The following UBE4B variants were observed in gnomAD, a reference collection of about 807,000 sequenced individuals.
UBE4B encodes ubiquitin conjugation factor E4 B.
UBE4B carries 27 observed loss-of-function variants against 148.1 expected under a neutral mutation model. The observed-to-expected ratio is 0.18, with a 90% CI of 0.13 to 0.25. The LOEUF (loss-of-function observed/expected upper bound fraction) is 0.25. Ranked by LOEUF, UBE4B falls within the 10% of genes least tolerant of loss-of-function variation. The pLI is 1.00. For synonymous variants in UBE4B, 596 were observed against 619.3 expected, an observed-to-expected ratio of 0.96 and a Z score of 0.56; for missense variants, 1,170 against 1,662.4, an observed-to-expected ratio of 0.70 and a Z score of 5.15.
At chr1:10,071,850 C>T (rs542120353) in intron 1 of UBE4B, among the ~76,000 whole-genome samples, 178 bp from the exon 2 acceptor site, 3 of 152,248 alleles carry the variant, frequency 2.0e-5, no homozygotes, top group East Asian at 3.9e-4. Context: ...TTGTTAAAAA[C>T]TCAAGTGATA....
At chr1:10,097,254 G>T (rs1644944129) in intron 3 of UBE4B, among the ~76,000 whole-genome samples, 1 of 151,838 alleles carries the variant, frequency 6.6e-6, no homozygotes, top group Non-Finnish European at 1.5e-5. Context: ...GAGATACAGA[G>T]GACAGAGTCC....
At chr1:10,172,358 C>T (rs1326005503) in intron 25 of UBE4B, among the ~76,000 whole-genome samples, 2 of 152,198 alleles carry the variant, frequency 1.3e-5, no homozygotes, top group Admixed American at 6.5e-5. Context: ...ATTTAGTCCT[C>T]ACAAAATCCT....
intron 9 of UBE4B, among the ~76,000 whole-genome samples, 164 bp from the exon 10 acceptor site, chr1:10,121,798 T>C (rs888859186): frequency 6.6e-6 from 1 of 152,174 alleles, no homozygotes; most frequent in African/African-American, 2.4e-5. Context: ...AAAAAGTGAT[T>C]ACTATTGGTA....
At chr1:10,156,284 C>A (rs1261644874) in intron 21 of UBE4B, among the ~76,000 whole-genome samples, 47 of 148,002 alleles carry the variant, frequency 3.2e-4, no homozygotes, top group Non-Finnish European at 6.1e-4. Flanking sequence ...CTGTCACCCA[C>A]GCTAGAGTGT....
Position 10,137,357 on chromosome 1 carries a change from CTCAGTTG to C in UBE4B, c.2363+155_2363+161del, listed in dbSNP as rs1479575533. 5 of 996,308 alleles carry C rather than the reference CTCAGTTG, an allele frequency of 5.0e-6. No individual in the cohort carries two copies. In the Admixed American group the frequency reaches 9.6e-5, roughly 19 times the overall value. The allele number at this position is 996,308 out of a possible 1,614,324, so 61.7% of individuals were successfully genotyped here. On this transcript the variant is annotated intron_variant, in intron 17 of 27. Transcript: ENST00000343090. ...TGCCTCCACCGCCACATCCATGTTGCTCAGTTGTCCAGAGTTCTTTACCTGGTGAAGT... is the reference window on the plus strand; with the variant it reads ...TGCCTCCACCGCCACATCCATGTTGCTCCAGAGTTCTTTACCTGGTGAAGT...
intron 1 of UBE4B, among the ~76,000 whole-genome samples, chr1:10,048,806 T>C (rs976045283): frequency 6.6e-6 from 1 of 152,100 alleles, no homozygotes; most frequent in African/African-American, 2.4e-5. Flanking sequence ...GAGTGAGGCG[T>C]AGGCTCCAGG....
chr1:10,038,871 C>G (rs1278935079), intron 1 of UBE4B, among the ~76,000 whole-genome samples: 1 of 151,988 alleles, frequency 6.6e-6, no homozygotes, highest in Non-Finnish European at 1.5e-5. Flanking sequence ...TCGAGGCAGG[C>G]GGATCACGTG....
At chr1:10,087,912 A>T (rs77980262) in intron 2 of UBE4B, among the ~76,000 whole-genome samples, 2,419 of 152,250 alleles carry the variant, frequency 0.016, 55 homozygotes, top group African/African-American at 0.054. Context: ...CTCCCCTGCT[A>T]TGTATTTAAT....
chr1:10,134,286 G>GT (rs1645641723), intron 15 of UBE4B, among the ~76,000 whole-genome samples: 1 of 152,032 alleles, frequency 6.6e-6, no homozygotes, highest in South Asian at 2.1e-4. Context: ...CGAGACGGGC[G>GT]TATCACCTGA....
At chr1:10,036,039 C>T (rs561607455) in intron 1 of UBE4B, among the ~76,000 whole-genome samples, 9 of 151,722 alleles carry the variant, frequency 5.9e-5, no homozygotes, top group East Asian at 1.9e-4. Context: ...CCACCGCGCC[C>T]GGCCGAGGTA....
chr1:10,158,318 A>C lies in UBE4B; in HGVS notation c.2927-38A>C, dbSNP rs759377937. 8 of 1,601,354 alleles carry C rather than the reference A, an allele frequency of 5.0e-6. No homozygotes were observed. The South Asian group carries it at 6.7e-5, about 13-fold the overall frequency. ...AATAACTGGATTTGGAAAGCAAGAAAATACATATCCCTCAGTACCTTTGTC... is the reference window on the plus strand; with the variant it reads ...AATAACTGGATTTGGAAAGCAAGAACATACATATCCCTCAGTACCTTTGTC... On this transcript the variant is annotated intron_variant, in intron 21 of 27. Transcript: ENST00000343090.
intron 2 of UBE4B, among the ~76,000 whole-genome samples, chr1:10,074,876 A>C (rs140502312): frequency 1.8e-4 from 28 of 152,208 alleles, no homozygotes; most frequent in African/African-American, 6.3e-4. Flanking sequence ...GATGATTCCT[A>C]AGCTTTTATC....
At chr1:10,116,209 C>T (rs550815085) in intron 7 of UBE4B, among the ~76,000 whole-genome samples, 15 of 152,252 alleles carry the variant, frequency 9.9e-5, no homozygotes, top group African/African-American at 2.4e-4. Flanking sequence ...GTGGCATGAT[C>T]TCGGATCACT....
At chr1:10,041,008 A>G (rs892263798) in intron 1 of UBE4B, among the ~76,000 whole-genome samples, 2 of 152,128 alleles carry the variant, frequency 1.3e-5, no homozygotes, top group Admixed American at 1.3e-4. Context: ...AGTTGCTACC[A>G]TTCACTTTAT....
chr1:10,127,791 G>A (rs536542655), intron 11 of UBE4B, among the ~76,000 whole-genome samples: 1 of 152,206 alleles, frequency 6.6e-6, no homozygotes, highest in East Asian at 1.9e-4. Flanking sequence ...TCTCCTCAAG[G>A]CACTCATAAT....
Position 10,171,323 on chromosome 1 carries a change from C to T in UBE4B, c.3519C>T (p.Asp1173=), listed in dbSNP as rs754110173. 2.2e-5 allele frequency: 36 copies of T among 1,613,150 alleles called. No individual in the cohort carries two copies. The South Asian group carries it at 2.8e-4, about 12-fold the overall frequency. Reference sequence around the variant, plus strand: ...CTCGGTTCGCGAAAGCCATTGCTGACGACCAGGTCAGTGAGTTGAGTTGGT... The same window carrying T: ...CTCGGTTCGCGAAAGCCATTGCTGATGACCAGGTCAGTGAGTTGAGTTGGT... ...DCARFAKAIA[D]DQRSYSKELF... The change falls in exon 25 of 28, where the codon GAC becomes GAT. Residue 1173 remains aspartate (D), a synonymous_variant. Transcript: ENST00000343090.
At chr1:10,178,606 G>A (rs774947075) in intron 25 of UBE4B, 38 bp from the exon 26 acceptor site, 5 of 1,537,788 alleles carry the variant, frequency 3.3e-6, no homozygotes, top group Admixed American at 4.3e-5. Context: ...TCCACCTGAC[G>A]TACATTTACG....
chr1:10,123,843 G>A (rs931131894), intron 10 of UBE4B, among the ~76,000 whole-genome samples: 13 of 152,046 alleles, frequency 8.6e-5, no homozygotes, highest in African/African-American at 1.2e-4. Flanking sequence ...GCATGATCTC[G>A]GCTCACTGCA....
intron 9 of UBE4B, among the ~76,000 whole-genome samples, chr1:10,121,464 G>C (rs893440697): frequency 6.6e-6 from 1 of 152,088 alleles, no homozygotes; most frequent in Non-Finnish European, 1.5e-5. Context: ...AGGCTGGAGT[G>C]CTCACTATAA....
Sources: gnomAD v4.1 joint callset for allele counts (sites outside exome capture counted in the v4.1 genomes callset) on GRCh38, gnomAD v4.1.1 for gene constraint, MANE v1.5 for transcripts, NCBI Gene and HGNC (gene_info 2026-07-23, HGNC 2026-07-21) for gene names.